The following ENDOU variants were observed in gnomAD, a reference collection of about 807,000 sequenced individuals.
ENDOU encodes endonuclease, poly(U) specific.
A neutral mutation model predicts 54.2 loss-of-function variants in ENDOU; 49 were observed. The observed-to-expected ratio is 0.90, with a 90% confidence interval of 0.72 to 1.15. ENDOU has a LOEUF of 1.15. ENDOU is among the 50% of genes most tolerant of loss of function. ENDOU has a pLI of 0.00. For missense variants in ENDOU, 458 were observed against 511.4 expected, an observed-to-expected ratio of 0.90 and a Z score of 1.01; for synonymous variants, 172 against 190.5, an observed-to-expected ratio of 0.90 and a Z score of 0.80.
chr12:47,716,188 C>T lies in ENDOU; in HGVS notation c.751+112G>A, dbSNP rs190251684. On this transcript the variant is annotated intron_variant, in intron 6 of 9. Transcript: ENST00000422538. ...ATCCCTCCCAGATGTACACTGACCT[C>T]CACAGAGTCCCCACCGCCTCCTCAC... 5.6e-3 allele frequency: 5,886 copies of T among 1,048,042 alleles called. 30 individuals are homozygous for T. The highest frequency in any genetic ancestry group is 7.2e-3 in the Non-Finnish European group (4,931 of 687,650). 64.9% of individuals were successfully genotyped at this position (1,048,042 alleles called of 1,614,324 possible).
At position 47,720,782 on chromosome 12, in the gene ENDOU, C is replaced by T; in HGVS notation, c.149G>A (p.Cys50Tyr). Residue 50 changes from cysteine to tyrosine, a missense_variant, in exon 2 of 10, where the codon TGC becomes TAC. Physicochemically the swap from Cys to Tyr is radical, Grantham distance 194. Transcript: ENST00000422538. ...CDRRCLWHGNCCEDYEHLCTE... is the reference protein window; with the variant it reads ...CDRRCLWHGNYCEDYEHLCTE... Reference sequence around the variant, plus strand: ...ACACAGATGTTCATAGTCTTCACAGCAGTTCCCATGCCAGAGACACCGGCG... The same window carrying T: ...ACACAGATGTTCATAGTCTTCACAGTAGTTCCCATGCCAGAGACACCGGCG... 1 of 1,536,166 alleles carries T rather than the reference C, an allele frequency of 6.5e-7. No individual in the cohort carries two copies. The highest frequency in any genetic ancestry group is 8.7e-7 in the Non-Finnish European group (1 of 1,146,912).
At chr12:47,712,490 A>G in intron 8 of ENDOU, 26 bp downstream of exon 8, 1 of 1,557,624 alleles carries the variant, frequency 6.4e-7, no homozygotes, top group African/African-American at 1.4e-5. Context: ...GGGCTCTGAC[A>G]AGGCTTTTCT....
At chr12:47,717,919 G>T (rs1442530133) in intron 3 of ENDOU, 1 of 613,088 alleles carries the variant, frequency 1.6e-6, no homozygotes, top group Non-Finnish European at 2.8e-6. Context: ...CAGGCCTCAG[G>T]CTCTCTTTCC....
Position 47,710,592 on chromosome 12 carries a change from A to G in ENDOU, c.*210T>C, listed in dbSNP as rs184898983. On this transcript the variant is annotated 3_prime_UTR_variant, in exon 10 of 10. Transcript: ENST00000422538. ...TCTTAGTCAACATTGCCAAAATTCT[A>G]GAGGATAAAGGTTTGACTGTTTATC... 6.8e-4 allele frequency: 344 copies of G among 504,264 alleles called. No individual in the cohort carries two copies. The highest frequency in any genetic ancestry group is 5.8e-3 in the African/African-American group (299 of 51,778). 31.2% of individuals were successfully genotyped at this position (504,264 alleles called of 1,614,324 possible).
chr12:47,715,760 C>T (rs912534332), intron 6 of ENDOU, among the ~76,000 whole-genome samples: 16 of 152,242 alleles, frequency 1.1e-4, no homozygotes, highest in African/African-American at 3.6e-4. Context: ...GTGTCTCTAC[C>T]TGGAGGCTTT....
At position 47,717,567 on chromosome 12, in the gene ENDOU, T is replaced by C; in HGVS notation, c.333A>G (p.Gln111=). The change falls in exon 4 of 10, where the codon CAA becomes CAG. Residue 111 remains glutamine, a synonymous_variant. Transcript: ENST00000422538. ...AATCCTTGCAGCAGTTCCCAAACTCTTGGCAGCGGGCATTGCAGTGACATT... is the reference window on the plus strand; with the variant it reads ...AATCCTTGCAGCAGTTCCCAAACTCCTGGCAGCGGGCATTGCAGTGACATT... ...HHQCHCNARC[Q]EFGNCCKDFE... 1 of 1,614,170 alleles carries C rather than the reference T, an allele frequency of 6.2e-7. No homozygotes were observed. Among genetic ancestry groups the C allele is most frequent in the African/African-American group, 1.3e-5 (1 of 75,038 alleles).
intron 6 of ENDOU, among the ~76,000 whole-genome samples, chr12:47,716,045 T>A (rs1004569673): frequency 6.6e-6 from 1 of 152,094 alleles, no homozygotes; most frequent in Non-Finnish European, 1.5e-5. Context: ...TGGGCGTGCA[T>A]GAGGCAGTTA....
intron 3 of ENDOU, 30 bp from the exon 4 acceptor site, chr12:47,717,685 C>A (rs1009198389): frequency 9.9e-6 from 16 of 1,610,416 alleles, no homozygotes; most frequent in Non-Finnish European, 1.3e-5. Flanking sequence ...GTGTCCCGGG[C>A]TGACCTCTAG....
intron 8 of ENDOU, among the ~76,000 whole-genome samples, 188 bp downstream of exon 8, chr12:47,712,328 C>T (rs1393622501): frequency 1.3e-5 from 2 of 152,176 alleles, no homozygotes; most frequent in Admixed American, 1.3e-4. Flanking sequence ...AGAGCCTTCA[C>T]TGTTTGGAAG....
chr12:47,710,739 C>G lies in ENDOU; in HGVS notation c.*63G>C. 1 of 1,099,368 alleles carries G rather than the reference C, an allele frequency of 9.1e-7. No homozygotes were observed. The highest frequency in any genetic ancestry group is 1.5e-5 in the African/African-American group (1 of 65,142). The allele number at this position is 1,099,368 out of a possible 1,614,324, so 68.1% of individuals were successfully genotyped here. A position where few individuals can be genotyped will look rare whatever the true frequency, so the allele number is the denominator to read the frequency against. On this transcript the variant is annotated 3_prime_UTR_variant, in exon 10 of 10. Coordinates refer to ENST00000422538, the MANE Select transcript of ENDOU (RefSeq NM_001172439.2). ...CAGTCCTCTCCCTCTTCTCTCTAGT[C>G]CAGAGAAGATAGCACTTCAGTCTCG...
chr12:47,712,309 T>C (rs539542209), intron 8 of ENDOU, among the ~76,000 whole-genome samples: 31 of 152,288 alleles, frequency 2.0e-4, no homozygotes, highest in African/African-American at 7.2e-4. Flanking sequence ...TCCTGTCCCC[T>C]GCAGTTCTAG....
At chr12:47,712,802 C>T (rs1216096478) in intron 7 of ENDOU, among the ~76,000 whole-genome samples, 180 bp from the exon 8 acceptor site, 1 of 152,098 alleles carries the variant, frequency 6.6e-6, no homozygotes, top group Non-Finnish European at 1.5e-5. Context: ...CAGGAAGGCC[C>T]CCCTTCTGGC....
At chr12:47,711,556 G>A (rs1325681602) in intron 9 of ENDOU, 77 bp downstream of exon 9, 19 of 1,522,268 alleles carry the variant, frequency 1.2e-5, no homozygotes, top group Non-Finnish European at 1.7e-5. Flanking sequence ...GCAGAGTCCA[G>A]GTCTCTTGAC....
intron 1 of ENDOU, among the ~76,000 whole-genome samples, chr12:47,724,190 A>T (rs1940518442): frequency 6.6e-6 from 1 of 152,196 alleles, no homozygotes; most frequent in East Asian, 1.9e-4. Flanking sequence ...ACCCCTACAC[A>T]TTAAGCCCCC....
intron 1 of ENDOU, among the ~76,000 whole-genome samples, chr12:47,724,758 T>A (rs1288344808): frequency 6.6e-6 from 1 of 152,152 alleles, no homozygotes; most frequent in Non-Finnish European, 1.5e-5. Context: ...CTCTCATAAC[T>A]GTGGGCCAGG....
intron 6 of ENDOU, 29 bp downstream of exon 6, chr12:47,716,271 C>G: frequency 6.2e-7 from 1 of 1,610,482 alleles, no homozygotes; most frequent in Non-Finnish European, 8.5e-7. Context: ...CAGACTCATG[C>G]GCTCTGGGGC....
chr12:47,721,936 C>G (rs1482462524), intron 1 of ENDOU, among the ~76,000 whole-genome samples: 1 of 152,172 alleles, frequency 6.6e-6, no homozygotes. Context: ...AGTGAGGAAA[C>G]TGAAACCTAA....
chr12:47,716,069 G>T (rs1409026661), intron 6 of ENDOU, among the ~76,000 whole-genome samples: 1 of 152,154 alleles, frequency 6.6e-6, no homozygotes, highest in Non-Finnish European at 1.5e-5. Flanking sequence ...TGAAGTCAAA[G>T]GTGGGGTGAT....
intron 1 of ENDOU, among the ~76,000 whole-genome samples, chr12:47,721,457 C>T (rs193264552): frequency 2.0e-5 from 3 of 152,316 alleles, no homozygotes; most frequent in East Asian, 1.9e-4. Flanking sequence ...CCTGACCCTC[C>T]GCTGGCTCTT....
Sources: allele counts gnomAD v4.1 joint callset (sites outside exome capture counted in the v4.1 genomes callset), GRCh38; gene constraint gnomAD v4.1.1; transcripts MANE v1.5; gene names NCBI Gene and HGNC (gene_info 2026-07-23, HGNC 2026-07-21).